The following NCOA2 variants were observed in gnomAD, a reference collection of about 807,000 sequenced individuals.
NCOA2 encodes the protein class E basic helix-loop-helix protein 75.
Under a neutral mutation model 145.1 loss-of-function variants are expected in NCOA2, and 21 were observed. The ratio of observed to expected loss-of-function variants is 0.14; its 90% CI spans 0.10 to 0.21. The LOEUF is 0.21. NCOA2 is among the 10% of genes least tolerant of loss of function. The pLI is 1.00. For missense variants in NCOA2, 1,472 were observed against 1,837.6 expected (o/e 0.80, Z 3.64); for synonymous variants, 619 against 637.5 (o/e 0.97, Z 0.44).
At position 70,126,834 on chromosome 8, in the gene NCOA2, A is replaced by G. The variant is rs1808472636; in HGVS notation, c.3895T>C (p.Phe1299Leu). Residue 1299 changes from phenylalanine to leucine, a missense_variant, in exon 19 of 23, where the codon TTT becomes CTT. Phe to Leu is a conservative substitution (Grantham distance 22). Coordinates refer to ENST00000452400, the MANE Select transcript of NCOA2 (RefSeq NM_006540.4). ...PRIPQANAQQFPFPPNYGISQ... is the reference protein window; with the variant it reads ...PRIPQANAQQLPFPPNYGISQ... ...GTACCGTAGTTTGGAGGAAATGGAA[A>G]CTGCTGTGCATTTGCCTGGGGAATC... The G allele has an allele frequency of 6.2e-7, 1 of 1,613,812 alleles. No homozygotes were observed. The highest frequency in any genetic ancestry group is 1.7e-5 in the Admixed American group (1 of 59,994).
In NCOA2 at chr8:70,143,092, G is replaced by C. The variant is rs139528897; in HGVS notation, c.2812+1550C>G. Reference sequence around the variant, plus strand: ...AGCCTCCTGAGTAGCCGGGATTACAGGTGCACGCCACCACGCCCATTTAAT... The same window carrying C: ...AGCCTCCTGAGTAGCCGGGATTACACGTGCACGCCACCACGCCCATTTAAT... On this transcript the variant is annotated intron_variant, in intron 13 of 22. Coordinates refer to ENST00000452400, the MANE Select transcript of NCOA2 (RefSeq NM_006540.4). Among the ~76,000 whole-genome samples, 934 of 152,118 alleles carry C rather than the reference G, an allele frequency of 6.1e-3. 8 individuals are homozygous for C. Among genetic ancestry groups the C allele is most frequent in the African/African-American group, 0.021 (872 of 41,488 alleles).
chr8:70,233,891 A>C (rs1470679160), intron 2 of NCOA2, among the ~76,000 whole-genome samples: 1 of 152,132 alleles, frequency 6.6e-6, no homozygotes, highest in African/African-American at 2.4e-5. Flanking sequence ...AAAATGCAGC[A>C]ATTTAATATA....
At chr8:70,446,752 C>CT in the NCOA2 span, among the ~76,000 whole-genome samples, 125 of 151,318 alleles carry the variant, frequency 8.3e-4, no homozygotes, top group African/African-American at 2.2e-3. Context: ...ATGGTTCTTT[C>CT]TTTTTTTTTC....
At chr8:70,322,467 T>C (rs996258205) in intron 1 of NCOA2, among the ~76,000 whole-genome samples, 7 of 152,172 alleles carry the variant, frequency 4.6e-5, no homozygotes, top group African/African-American at 1.4e-4. Flanking sequence ...AAGGGCAATA[T>C]GAATATTTAC....
the NCOA2 span, among the ~76,000 whole-genome samples, chr8:70,430,555 G>A: frequency 1.3e-5 from 2 of 152,098 alleles, no homozygotes; most frequent in African/African-American, 2.4e-5. Context: ...GCAGTTCCTC[G>A]CTCAGTTTCC....
the NCOA2 span, among the ~76,000 whole-genome samples, chr8:70,441,083 G>GAGAC: frequency 7.1e-6 from 1 of 141,562 alleles, no homozygotes; most frequent in East Asian, 2.1e-4. Flanking sequence ...AAAGGAAAGA[G>GAGAC]AGAGGAAAGA....
At chr8:70,287,804 T>C (rs891136665) in intron 2 of NCOA2, among the ~76,000 whole-genome samples, 1 of 152,200 alleles carries the variant, frequency 6.6e-6, no homozygotes, top group Admixed American at 6.5e-5. Flanking sequence ...CTGCAGACCC[T>C]CACTGTAGAG....
intron 1 of NCOA2, among the ~76,000 whole-genome samples, chr8:70,356,289 T>C (rs1421470092): frequency 2.0e-5 from 3 of 152,056 alleles, no homozygotes; most frequent in African/African-American, 7.3e-5. Context: ...AGACCCAATG[T>C]CTGTAAATGA....
At chr8:70,416,740 G>A in the NCOA2 span, among the ~76,000 whole-genome samples, 5 of 152,182 alleles carry the variant, frequency 3.3e-5, no homozygotes, top group Admixed American at 1.3e-4. Context: ...TCCCATGGCA[G>A]AAGGGAAAAG....
At chr8:70,116,658 A>C (rs1807174143) in intron 22 of NCOA2, among the ~76,000 whole-genome samples, 1 of 152,278 alleles carries the variant, frequency 6.6e-6, no homozygotes, top group Admixed American at 6.5e-5. Context: ...TAAGTAGCAC[A>C]GTGACAAATC....
intron 1 of NCOA2, among the ~76,000 whole-genome samples, chr8:70,379,781 T>C (rs1316067859): frequency 6.6e-6 from 1 of 151,986 alleles, no homozygotes; most frequent in Non-Finnish European, 1.5e-5. Flanking sequence ...CAGAGTCTTG[T>C]CCTTATCCTA....
intron 10 of NCOA2, among the ~76,000 whole-genome samples, chr8:70,158,524 T>C (rs939375837): frequency 1.6e-4 from 25 of 152,332 alleles, no homozygotes; most frequent in African/African-American, 5.5e-4. Context: ...TGTAAATATA[T>C]ACATAGAAAG....
intron 1 of NCOA2, among the ~76,000 whole-genome samples, chr8:70,389,081 AC>A (rs1563836032): frequency 6.6e-6 from 1 of 152,162 alleles, no homozygotes; most frequent in Non-Finnish European, 1.5e-5. Flanking sequence ...TTATATAGTT[AC>A]TGTTTTACAA....
the NCOA2 span, among the ~76,000 whole-genome samples, chr8:70,441,796 GAAAGAAAGAAAGA>G: frequency 3.1e-5 from 4 of 129,828 alleles, no homozygotes; most frequent in Admixed American, 8.0e-5. Context: ...AAGAAAGAAA[GAAAGAAAGAAAGA>G]AAGAAAGAAG....
the NCOA2 span, among the ~76,000 whole-genome samples, chr8:70,427,371 T>G: frequency 6.6e-6 from 1 of 152,226 alleles, no homozygotes; most frequent in Non-Finnish European, 1.5e-5. Flanking sequence ...GAATTATATC[T>G]GAGCATAAGT....
intron 1 of NCOA2, among the ~76,000 whole-genome samples, chr8:70,338,892 T>G (rs1563780215): frequency 6.6e-6 from 1 of 152,076 alleles, no homozygotes; most frequent in Non-Finnish European, 1.5e-5. Context: ...TTCAATAAAA[T>G]TCAACATCCC....
intron 21 of NCOA2, among the ~76,000 whole-genome samples, chr8:70,123,286 C>G (rs1230955450): frequency 1.3e-5 from 2 of 152,214 alleles, no homozygotes; most frequent in African/African-American, 4.8e-5. Flanking sequence ...TCATTTCAAA[C>G]TAACTGGATG....
At chr8:70,122,120 G>A (rs190272340) in intron 21 of NCOA2, among the ~76,000 whole-genome samples, 1 of 152,302 alleles carries the variant, frequency 6.6e-6, no homozygotes, top group Admixed American at 6.5e-5. Flanking sequence ...TATCTCAGTA[G>A]CCCTTACTTT....
intron 2 of NCOA2, among the ~76,000 whole-genome samples, chr8:70,235,233 T>C (rs569625032): frequency 3.3e-5 from 5 of 152,180 alleles, no homozygotes; most frequent in Non-Finnish European, 5.9e-5. Flanking sequence ...ATGAGGTACT[T>C]AGACTGGTCA....
Sources: allele counts gnomAD v4.1 joint callset (sites outside exome capture counted in the v4.1 genomes callset), GRCh38; gene constraint gnomAD v4.1.1; transcripts MANE v1.5; gene names NCBI Gene and HGNC (gene_info 2026-07-23, HGNC 2026-07-21).